ADCY10: variants seen among roughly 807,000 people sequenced by gnomAD.
ADCY10 encodes adenylate cyclase type 10.
ADCY10 carries 156 observed loss-of-function variants against 183.3 expected under a neutral mutation model. The ratio of observed to expected loss-of-function variants is 0.85; its 90% CI spans 0.75 to 0.97. ADCY10 has a LOEUF of 0.97. ADCY10 is among the 50% of genes least tolerant of loss of function. The pLI is 0.00. For synonymous variants in ADCY10, 645 were observed against 670.0 expected (o/e 0.96, Z 0.58); for missense variants, 1,745 against 1,934.3 (o/e 0.90, Z 1.84).
At position 167,895,368 on chromosome 1, in the gene ADCY10, A is replaced by C. The variant is rs407876; in HGVS notation, c.739+1227T>G. 4.3e-3 allele frequency among the ~76,000 whole-genome samples: 657 copies of C among 152,158 alleles called. 3 individuals are homozygous for C. Among genetic ancestry groups the C allele is most frequent in the African/African-American group, 0.015 (626 of 41,492 alleles). On this transcript the variant is annotated intron_variant, in intron 7 of 32. Transcript: ENST00000367851. ...CTGAGGTTCTTGGCCTTTCCTGATC[A>C]ATGTTTGTACAGTCTCCCCACTCCC...
intron 9 of ADCY10, among the ~76,000 whole-genome samples, 169 bp downstream of exon 9, chr1:167,883,268 C>T (rs1004791976): frequency 6.6e-6 from 1 of 152,220 alleles, no homozygotes; most frequent in Non-Finnish European, 1.5e-5. Context: ...GAACTCCTGA[C>T]CTCAAGTGAT....
chr1:167,823,424 C>CAAAA (rs34394385), intron 28 of ADCY10, among the ~76,000 whole-genome samples: 3 of 42,824 alleles, frequency 7.0e-5, no homozygotes, highest in East Asian at 5.6e-4. Context: ...AACTCCATCT[C>CAAAA]AAAAAAAAAA....
At position 167,876,455 on chromosome 1, in the gene ADCY10, T is replaced by C. The variant is rs999542971; in HGVS notation, c.1407-1269A>G. Among the ~76,000 whole-genome samples the C allele has an allele frequency of 7.9e-5, 12 of 152,202 alleles. No homozygotes were observed. In the East Asian group the frequency reaches 1.9e-3, roughly 25 times the overall value. Reference sequence around the variant, plus strand: ...GAAGAAGCCTTTTAGTCAAAATGGATTATGCCCTTCTCTGAACTACAATAC... The same window carrying C: ...GAAGAAGCCTTTTAGTCAAAATGGACTATGCCCTTCTCTGAACTACAATAC... On this transcript the variant is annotated intron_variant, in intron 12 of 32. Coordinates refer to ENST00000367851, the MANE Select transcript of ADCY10 (RefSeq NM_018417.6).
At chr1:167,859,757 G>T in intron 16 of ADCY10, 50 bp downstream of exon 16, 3 of 1,401,262 alleles carry the variant, frequency 2.1e-6, no homozygotes, top group South Asian at 1.2e-5. Context: ...GCTTTGTGGT[G>T]ATTTGCCCAG....
At chr1:167,893,968 C>T (rs774010569) in intron 7 of ADCY10, 27 bp from the exon 8 acceptor site, 24 of 1,571,380 alleles carry the variant, frequency 1.5e-5, no homozygotes, top group Non-Finnish European at 2.1e-5. Flanking sequence ...AGGGTGCAGG[C>T]TCAGAGAGGG....
In ADCY10 at chr1:167,829,414, C is replaced by A. The variant is rs769914476; in HGVS notation, c.3603G>T (p.Arg1201Ser). Residue 1201 changes from arginine (R) to serine (S), a missense_variant, in exon 26 of 33, where the codon AGG becomes AGT. Arg to Ser is a moderately radical substitution (Grantham distance 110). Coordinates refer to ENST00000367851, the MANE Select transcript of ADCY10 (RefSeq NM_018417.6). ...AQESPPPGKK[R>S]LAQLYRQTVC... ...CAGTTTGCCGGTAAAGTTGTGCCAG[C>A]CTCTTCTTCCTATTGGATAAGGTAA... 2 of 1,613,968 alleles carry A rather than the reference C, an allele frequency of 1.2e-6. No homozygotes were observed. Among genetic ancestry groups the A allele is most frequent in the Non-Finnish European group, 1.7e-6 (2 of 1,179,976 alleles).
chr1:167,900,960 A>G (rs1413190623), intron 5 of ADCY10, among the ~76,000 whole-genome samples: 2 of 152,234 alleles, frequency 1.3e-5, no homozygotes, highest in Non-Finnish European at 2.9e-5. Context: ...TGCAAAGTTT[A>G]GTTAGGCGGA....
intron 8 of ADCY10, among the ~76,000 whole-genome samples, chr1:167,891,239 C>T (rs970629248): frequency 2.6e-5 from 4 of 151,870 alleles, no homozygotes; most frequent in African/African-American, 9.7e-5. Flanking sequence ...GGATTACAGG[C>T]GTGAGCCATC....
intron 14 of ADCY10, among the ~76,000 whole-genome samples, chr1:167,865,235 A>C (rs986142125): frequency 2.0e-5 from 3 of 152,192 alleles, no homozygotes; most frequent in African/African-American, 7.2e-5. Context: ...CTACATTAAA[A>C]GGTTAAAAAA....
At chr1:167,863,275 G>T (rs10918785) in intron 14 of ADCY10, among the ~76,000 whole-genome samples, 4 of 151,988 alleles carry the variant, frequency 2.6e-5, no homozygotes, top group Admixed American at 6.5e-5. Flanking sequence ...ATAGATTCCA[G>T]ACATTGTATG....
intron 7 of ADCY10, 38 bp from the exon 8 acceptor site, chr1:167,893,979 A>C: frequency 6.6e-7 from 1 of 1,506,916 alleles, no homozygotes; most frequent in Middle Eastern, 1.7e-4. Flanking sequence ...TCAGAGAGGG[A>C]AGTTTGGCTC....
chr1:167,834,659 A>T (rs1353139579), intron 23 of ADCY10: 1 of 169,586 alleles, frequency 5.9e-6, no homozygotes, highest in Non-Finnish European at 1.3e-5. Context: ...TGAAGAATAT[A>T]ATAAGGTGAG....
rs191508962 is a variant in ADCY10, at chr1:167,891,116, C to T, written c.828+2737G>A. Reference sequence around the variant, plus strand: ...AGCTGGGATTACAGGTGTGTGCCACCGCGCCTGGCTAATTTTTGTATTTTT... The same window carrying T: ...AGCTGGGATTACAGGTGTGTGCCACTGCGCCTGGCTAATTTTTGTATTTTT... On this transcript the variant is annotated intron_variant, in intron 8 of 32. Coordinates refer to ENST00000367851, the MANE Select transcript of ADCY10 (RefSeq NM_018417.6). Among the ~76,000 whole-genome samples the T allele has an allele frequency of 1.3e-3, 205 of 152,050 alleles. 3 individuals carry two copies. In the East Asian group the frequency reaches 0.034, roughly 25 times the overall value.
chr1:167,895,851 A>T (rs1296158045), intron 7 of ADCY10, among the ~76,000 whole-genome samples: 1 of 152,252 alleles, frequency 6.6e-6, no homozygotes, highest in Non-Finnish European at 1.5e-5. Flanking sequence ...AGAGAAGACT[A>T]GAAGGTCAAA....
chr1:167,850,297 A>G lies in ADCY10; in HGVS notation c.2309-1808T>C, dbSNP rs6687630. Among the ~76,000 whole-genome samples, 560 of 152,276 alleles carry G rather than the reference A, an allele frequency of 3.7e-3. 5 individuals are homozygous for G. Among genetic ancestry groups the G allele is most frequent in the African/African-American group, 0.013 (534 of 41,548 alleles). On this transcript the variant is annotated intron_variant, in intron 18 of 32. Coordinates refer to ENST00000367851, the MANE Select transcript of ADCY10 (RefSeq NM_018417.6). The stretch of plus-strand genomic sequence containing the variant: ...TAGAAGTGACAGAGACACGAAGTAC[A>G]GAAGGAGGGGTGGTTGAGCGGGAGG...
At chr1:167,838,538 A>G (rs1664391462) in intron 21 of ADCY10, among the ~76,000 whole-genome samples, 1 of 152,162 alleles carries the variant, frequency 6.6e-6, no homozygotes, top group Admixed American at 6.5e-5. Context: ...TTGGTTGCCT[A>G]CTTAATTGGC....
chr1:167,891,110 T>C (rs1668557314), intron 8 of ADCY10, among the ~76,000 whole-genome samples: 1 of 152,070 alleles, frequency 6.6e-6, no homozygotes, highest in Admixed American at 6.5e-5. Flanking sequence ...TACAGGTGTG[T>C]GCCACCGCGC....
intron 24 of ADCY10, among the ~76,000 whole-genome samples, chr1:167,833,512 A>G (rs1237450836): frequency 1.3e-5 from 2 of 152,134 alleles, no homozygotes; most frequent in African/African-American, 2.4e-5. Context: ...TTGGGAGGTC[A>G]GGGCGGGCGG....
rs1396067016 is a variant in ADCY10, at chr1:167,904,979, C to A, written c.148+14G>T. ...TGCTCATCCACATTAAACAAACATC[C>A]CTTTTGCACTTGCCTGAAATATCAA... On this transcript the variant is annotated intron_variant, in intron 2 of 32. Coordinates refer to ENST00000367851, the MANE Select transcript of ADCY10 (RefSeq NM_018417.6). 6 of 1,614,168 alleles carry A rather than the reference C, an allele frequency of 3.7e-6. No homozygotes were observed. The highest frequency in any genetic ancestry group is 5.1e-6 in the Non-Finnish European group (6 of 1,180,032).
Sources: allele counts gnomAD v4.1 joint callset (sites outside exome capture counted in the v4.1 genomes callset), GRCh38; gene constraint gnomAD v4.1.1; transcripts MANE v1.5; gene names NCBI Gene and HGNC (gene_info 2026-07-23, HGNC 2026-07-21).